Variants in RORA observed in about 807,000 individuals in gnomAD.
The protein encoded by RORA is RAR related orphan receptor A.
In RORA, 7 loss-of-function variants were observed where a neutral mutation model predicts 69.5. That is an observed-to-expected ratio of 0.10 (90% CI 0.06 to 0.19). RORA has a LOEUF of 0.19. RORA is among the 10% of genes least tolerant of loss of function. RORA has a pLI of 1.00. For missense variants in RORA, 457 were observed against 663.0 expected, an observed-to-expected ratio of 0.69 and a Z score of 3.41; for synonymous variants, 261 against 240.8, an observed-to-expected ratio of 1.08 and a Z score of -0.78.
chr15:60,879,760 T>G (rs2073658479), intron 1 of RORA, among the ~76,000 whole-genome samples: 1 of 152,210 alleles, frequency 6.6e-6, no homozygotes, highest in Admixed American at 6.5e-5. Flanking sequence ...GGGTCAGGGT[T>G]CTGGAAATTC....
chr15:61,037,853 G>C lies in RORA; in HGVS notation c.166+191200C>G, dbSNP rs972879812. ...AGAGTAAGTAGTAATTAACTCTGATGGGGGCAGTCAGGAAAGGCTTTCCTG... is the reference window on the plus strand; with the variant it reads ...AGAGTAAGTAGTAATTAACTCTGATCGGGGCAGTCAGGAAAGGCTTTCCTG... On this transcript the variant is annotated intron_variant, in intron 1 of 10. Transcript: ENST00000335670. Among the ~76,000 whole-genome samples, 4 of 152,266 alleles carry C rather than the reference G, an allele frequency of 2.6e-5. No individual in the cohort carries two copies. The South Asian group carries it at 8.3e-4, about 32-fold the overall frequency.
intron 1 of RORA, among the ~76,000 whole-genome samples, chr15:60,772,045 ATTTATT>A (rs568472469): frequency 6.6e-6 from 1 of 151,962 alleles, no homozygotes; most frequent in African/African-American, 2.4e-5. Flanking sequence ...TTATTTTATT[ATTTATT>A]TTTATTTTTA....
At chr15:61,138,960 A>C (rs879789555) in intron 1 of RORA, among the ~76,000 whole-genome samples, 24 of 152,296 alleles carry the variant, frequency 1.6e-4, no homozygotes, top group Admixed American at 1.3e-3. Flanking sequence ...CCTGGCTAAC[A>C]GGGTGAAACC....
At chr15:60,949,524 A>C (rs929860667) in intron 1 of RORA, among the ~76,000 whole-genome samples, 1 of 152,200 alleles carries the variant, frequency 6.6e-6, no homozygotes, top group African/African-American at 2.4e-5. Context: ...GTGTGGACAC[A>C]AAGTACAACT....
intron 1 of RORA, among the ~76,000 whole-genome samples, chr15:61,192,053 T>A (rs1458738631): frequency 6.6e-6 from 1 of 152,184 alleles, no homozygotes; most frequent in African/African-American, 2.4e-5. Context: ...TAGCTCTCCA[T>A]AGAGCATGTT....
At chr15:60,635,057 A>C (rs535508061) in intron 2 of RORA, among the ~76,000 whole-genome samples, 1 of 152,328 alleles carries the variant, frequency 6.6e-6, no homozygotes, top group East Asian at 1.9e-4. Flanking sequence ...CCCACGGAGC[A>C]CGGCCTGCCC....
intron 1 of RORA, among the ~76,000 whole-genome samples, chr15:61,058,559 G>C (rs1370024496): frequency 6.6e-6 from 1 of 152,098 alleles, no homozygotes; most frequent in Non-Finnish European, 1.5e-5. Context: ...AAGAACGTCA[G>C]GAAAGTTACA....
rs148693423 is a variant in RORA, at chr15:60,801,578, T to C, written c.167-122892A>G. 9.4e-3 allele frequency among the ~76,000 whole-genome samples: 1,435 copies of C among 152,340 alleles called. 6 individuals are homozygous for C. The highest frequency in any genetic ancestry group is 0.013 in the Non-Finnish European group (875 of 68,034). ...TAAAAAACATAAGGGCTATTTGGAA[T>C]GTCTCTGCATTTTACAGATGACTTT... On this transcript the variant is annotated intron_variant, in intron 1 of 10. Coordinates refer to ENST00000335670, the MANE Select transcript of RORA (RefSeq NM_134261.3).
At chr15:60,843,171 C>T (rs2073222318) in intron 1 of RORA, among the ~76,000 whole-genome samples, 1 of 152,184 alleles carries the variant, frequency 6.6e-6, no homozygotes, top group Non-Finnish European at 1.5e-5. Context: ...CGCTGGGCCA[C>T]TTGGTGATTT....
intron 1 of RORA, among the ~76,000 whole-genome samples, chr15:60,819,181 T>A (rs1027393255): frequency 2.0e-5 from 3 of 152,262 alleles, no homozygotes; most frequent in Non-Finnish European, 2.9e-5. Flanking sequence ...ACTGGAACTG[T>A]AGTCCTTGAA....
chr15:60,702,816 C>T (rs960913632), intron 1 of RORA, among the ~76,000 whole-genome samples: 2 of 152,138 alleles, frequency 1.3e-5, no homozygotes, highest in East Asian at 1.9e-4. Flanking sequence ...GACTTTAACT[C>T]GGTTTGTTTG....
At chr15:60,609,179 A>G (rs2069024400) in intron 2 of RORA, among the ~76,000 whole-genome samples, 1 of 152,114 alleles carries the variant, frequency 6.6e-6, no homozygotes, top group African/African-American at 2.4e-5. Flanking sequence ...TAAGTCTAAA[A>G]CTGACCTCCT....
chr15:61,168,750 T>C (rs2079559999), intron 1 of RORA, among the ~76,000 whole-genome samples: 1 of 152,186 alleles, frequency 6.6e-6, no homozygotes, highest in African/African-American at 2.4e-5. Flanking sequence ...GACAGTATGC[T>C]GGGCTTGAAA....
At chr15:60,786,884 T>C (rs2072342233) in intron 1 of RORA, among the ~76,000 whole-genome samples, 1 of 152,204 alleles carries the variant, frequency 6.6e-6, no homozygotes, top group African/African-American at 2.4e-5. Context: ...GATAGGCATT[T>C]AGCAACCTTC....
chr15:60,668,005 T>C (rs1452715493), intron 2 of RORA, among the ~76,000 whole-genome samples: 1 of 152,132 alleles, frequency 6.6e-6, no homozygotes, highest in Non-Finnish European at 1.5e-5. Context: ...GGTTAGTTTA[T>C]AGATAGAAGA....
chr15:61,089,459 T>C (rs1661833245), intron 1 of RORA, among the ~76,000 whole-genome samples: 1 of 152,120 alleles, frequency 6.6e-6, no homozygotes, highest in African/African-American at 2.4e-5. Flanking sequence ...AACATGCATA[T>C]ATATACACAG....
chr15:60,583,041 C>T (rs2068236028), intron 2 of RORA, among the ~76,000 whole-genome samples: 1 of 152,178 alleles, frequency 6.6e-6, no homozygotes, highest in South Asian at 2.1e-4. Flanking sequence ...ACTGCTGTCC[C>T]CTCGGCCGCC....
At position 61,203,897 on chromosome 15, in the gene RORA, C is replaced by T. The variant is rs536623500; in HGVS notation, c.166+25156G>A. On this transcript the variant is annotated intron_variant, in intron 1 of 10. Transcript: ENST00000335670. ...GCCTCCTACTGGTCAAAGGCCACTG[C>T]CAAGCCGTTGACAATGTGGAGAATG... Among the ~76,000 whole-genome samples the T allele has an allele frequency of 3.3e-5, 5 of 152,214 alleles. No individual in the cohort carries two copies. In the South Asian group the frequency reaches 6.2e-4, roughly 19 times the overall value.
rs2065105693 is a variant in RORA, at chr15:60,493,999, C to T, written c.*3456G>A. On this transcript the variant is annotated 3_prime_UTR_variant, in exon 11 of 11. Transcript: ENST00000335670. ...CACACACACACACACTCCTTCCTCA[C>T]CTGACCCTCAGCCCACCCCCATACG... The T allele has an allele frequency of 6.8e-6, 1 of 146,432 alleles. No homozygotes were observed. Among genetic ancestry groups the T allele is most frequent in the South Asian group, 2.1e-4 (1 of 4,672 alleles). The allele number at this position is 146,432 out of a possible 1,614,324, so 9.1% of individuals were successfully genotyped here.
Sources: gnomAD v4.1 joint callset for allele counts (sites outside exome capture counted in the v4.1 genomes callset) on GRCh38, gnomAD v4.1.1 for gene constraint, MANE v1.5 for transcripts, NCBI Gene and HGNC (gene_info 2026-07-23, HGNC 2026-07-21) for gene names.